The following NARS2 variants were observed in gnomAD, a reference collection of about 807,000 sequenced individuals.
NARS2 encodes asparaginyl-tRNA synthetase 2, mitochondrial, also known as asparaginyl-tRNA synthetase.
A neutral mutation model predicts 62.9 loss-of-function variants in NARS2; 60 were observed. The observed-to-expected ratio is 0.95, with a 90% CI of 0.77 to 1.18. The LOEUF (loss-of-function observed/expected upper bound fraction) is 1.18. NARS2 is among the 50% of genes most tolerant of loss of function. NARS2 has a pLI of 0.00. For missense variants in NARS2, 619 were observed against 576.4 expected (o/e 1.07, Z -0.76); for synonymous variants, 196 against 200.0 (o/e 0.98, Z 0.17).
At chr11:78,547,578 C>T (rs756557208) in intron 5 of NARS2, among the ~76,000 whole-genome samples, 3 of 152,162 alleles carry the variant, frequency 2.0e-5, no homozygotes, top group Non-Finnish European at 4.4e-5. Context: ...TGGCTCACGC[C>T]TGTAATCCCA....
chr11:78,439,036 G>A (rs538366786), intron 13 of NARS2, among the ~76,000 whole-genome samples: 53 of 151,234 alleles, frequency 3.5e-4, no homozygotes, highest in Admixed American at 2.7e-3. Flanking sequence ...GGTGCAGTCT[G>A]TATTTAGCTT....
intron 11 of NARS2, among the ~76,000 whole-genome samples, chr11:78,447,017 A>G (rs922101081): frequency 6.6e-6 from 1 of 150,898 alleles, no homozygotes; most frequent in Non-Finnish European, 1.5e-5. Flanking sequence ...TGATTAAAAA[A>G]AGGTAAAGGA....
intron 5 of NARS2, among the ~76,000 whole-genome samples, chr11:78,554,727 T>G (rs1337026998): frequency 6.6e-6 from 1 of 152,204 alleles, no homozygotes; most frequent in Non-Finnish European, 1.5e-5. Flanking sequence ...ACAGACATAG[T>G]TTGACTTCCT....
intron 7 of NARS2, among the ~76,000 whole-genome samples, 173 bp from the exon 8 acceptor site, chr11:78,478,856 C>T (rs1859224641): frequency 6.6e-6 from 1 of 152,164 alleles, no homozygotes; most frequent in Non-Finnish European, 1.5e-5. Flanking sequence ...TCTCAATTTC[C>T]TTGGTGGGTG....
At chr11:78,552,961 C>T (rs568252461) in intron 5 of NARS2, among the ~76,000 whole-genome samples, 9 of 152,244 alleles carry the variant, frequency 5.9e-5, no homozygotes, top group South Asian at 2.1e-4. Flanking sequence ...TATATTCCTC[C>T]GGGTATATAC....
rs139970332 is a variant in NARS2, at chr11:78,490,264, C to T, written c.822+2799G>A. On this transcript the variant is annotated intron_variant, in intron 7 of 13. Transcript: ENST00000281038. ...GCCCACCCCATCTAAAGCCACTGGA[C>T]AAGTAACTGTTCTCCTGGGATAACT... 2.0e-4 allele frequency among the ~76,000 whole-genome samples: 30 copies of T among 152,290 alleles called. No individual in the cohort carries two copies. The East Asian group carries it at 5.8e-3, about 29-fold the overall frequency.
rs1476127157 is a variant in NARS2, at chr11:78,436,192, T to C, written c.*478A>G. Reference sequence around the variant, plus strand: ...AAATCAATTAAGACCTTAAGGAATATTTTTTTCTGCAATGTTTAATGAAGT... The same window carrying C: ...AAATCAATTAAGACCTTAAGGAATACTTTTTTCTGCAATGTTTAATGAAGT... On this transcript the variant is annotated 3_prime_UTR_variant, in exon 14 of 14. Transcript: ENST00000281038. The C allele has an allele frequency of 6.6e-6, 1 of 152,574 alleles. No individual in the cohort carries two copies. Among genetic ancestry groups the C allele is most frequent in the Non-Finnish European group, 1.5e-5 (1 of 68,360 alleles). The allele number at this position is 152,574 out of a possible 1,614,324, so 9.5% of individuals were successfully genotyped here. A position where few individuals can be genotyped will look rare whatever the true frequency, so the allele number is the denominator to read the frequency against.
At chr11:78,442,131 G>A (rs552466238) in intron 12 of NARS2, among the ~76,000 whole-genome samples, 1 of 152,312 alleles carries the variant, frequency 6.6e-6, no homozygotes, top group East Asian at 1.9e-4. Flanking sequence ...TACGAGGAAA[G>A]GTTTCCTGGA....
At chr11:78,556,970 A>G (rs1345939278) in intron 5 of NARS2, among the ~76,000 whole-genome samples, 1 of 152,204 alleles carries the variant, frequency 6.6e-6, no homozygotes, top group African/African-American at 2.4e-5. Context: ...CCTCAACTAC[A>G]TCTTTACAGC....
In NARS2 at chr11:78,514,275, A is replaced by ACC. The variant is rs1320777189; in HGVS notation, c.689+14565_689+14566dup. 3.3e-5 allele frequency among the ~76,000 whole-genome samples: 5 copies of ACC among 152,064 alleles called. No individual in the cohort carries two copies. In the East Asian group the frequency reaches 9.7e-4, roughly 29 times the overall value. Reference sequence around the variant, plus strand: ...GTAGCTGGGACTACAGGCGTATGCCACCTGTCTGGCTAAGTTTTGTATTTT... The same window carrying ACC: ...GTAGCTGGGACTACAGGCGTATGCCACCCCTGTCTGGCTAAGTTTTGTATTTT... On this transcript the variant is annotated intron_variant, in intron 6 of 13. Transcript: ENST00000281038.
At chr11:78,492,104 T>TACAGAC (rs879866653) in intron 7 of NARS2, among the ~76,000 whole-genome samples, 10 of 145,298 alleles carry the variant, frequency 6.9e-5, no homozygotes, top group Admixed American at 4.0e-4. Context: ...TATATATATA[T>TACAGAC]ATATACAGAC....
chr11:78,544,795 C>CAAAAAAAAAAAA (rs35180232), intron 5 of NARS2, among the ~76,000 whole-genome samples: 1 of 63,256 alleles, frequency 1.6e-5, no homozygotes, highest in Admixed American at 2.0e-4. Context: ...CTCCGTCTCA[C>CAAAAAAAAAAAA]AAAAAAAAAA....
intron 11 of NARS2, among the ~76,000 whole-genome samples, chr11:78,464,199 G>GGTGGGCTC (rs929040124): frequency 6.6e-6 from 1 of 151,930 alleles, no homozygotes; most frequent in South Asian, 2.1e-4. Context: ...CATTCCTCCC[G>GGTGGGCTC]GTGGGCTCGT....
intron 6 of NARS2, among the ~76,000 whole-genome samples, chr11:78,496,173 G>A (rs555070951): frequency 1.1e-4 from 16 of 152,246 alleles, no homozygotes; most frequent in South Asian, 6.2e-4. Context: ...GAAAAATTGC[G>A]TAAGAAAGCA....
intron 5 of NARS2, among the ~76,000 whole-genome samples, chr11:78,547,049 G>A (rs1855907002): frequency 6.6e-6 from 1 of 152,204 alleles, no homozygotes; most frequent in African/African-American, 2.4e-5. Context: ...TACATTTCGT[G>A]GCTGGGTATG....
At chr11:78,523,484 GACA>G (rs1861198807) in intron 6 of NARS2, among the ~76,000 whole-genome samples, 1 of 152,126 alleles carries the variant, frequency 6.6e-6, no homozygotes, top group African/African-American at 2.4e-5. Flanking sequence ...AAAGAGAAAT[GACA>G]ACATGTCCAC....
chr11:78,501,620 C>T (rs1386276080), intron 6 of NARS2, among the ~76,000 whole-genome samples: 10 of 152,046 alleles, frequency 6.6e-5, no homozygotes, highest in Non-Finnish European at 1.5e-4. Flanking sequence ...AGAAATACTG[C>T]CCTAAAAAAG....
chr11:78,486,645 C>T (rs1859586947), intron 7 of NARS2, among the ~76,000 whole-genome samples: 1 of 152,162 alleles, frequency 6.6e-6, no homozygotes, highest in Admixed American at 6.5e-5. Flanking sequence ...AATTCCATTT[C>T]CAAAGGATTT....
chr11:78,501,717 T>C (rs986446004), intron 6 of NARS2, among the ~76,000 whole-genome samples: 10 of 152,338 alleles, frequency 6.6e-5, no homozygotes, highest in South Asian at 6.2e-4. Flanking sequence ...GGCAAGGATA[T>C]AGAGATACTC....
Sources: gnomAD v4.1 joint callset for allele counts (sites outside exome capture counted in the v4.1 genomes callset) on GRCh38, gnomAD v4.1.1 for gene constraint, MANE v1.5 for transcripts, NCBI Gene and HGNC (gene_info 2026-07-23, HGNC 2026-07-21) for gene names.